Variants in MECOM observed in about 807,000 individuals in gnomAD.
MECOM encodes the protein histone-lysine N-methyltransferase MECOM.
In MECOM, 13 loss-of-function variants were observed where a neutral mutation model predicts 116.3. That is an observed-to-expected ratio of 0.11 (90% CI 0.07 to 0.18). MECOM has a LOEUF of 0.18. MECOM is among the 10% of genes least tolerant of loss of function. The probability of loss-of-function intolerance (pLI) is 1.00; values close to 1 mark genes in which losing one functional copy is unlikely to be tolerated. For synonymous variants in MECOM, 528 were observed against 535.2 expected, an observed-to-expected ratio of 0.99 and a Z score of 0.19; for missense variants, 1,299 against 1,509.0, an observed-to-expected ratio of 0.86 and a Z score of 2.31.
chr3:169,183,361 C>T (rs1033719413), intron 2 of MECOM, among the ~76,000 whole-genome samples: 6 of 152,144 alleles, frequency 3.9e-5, no homozygotes, highest in Non-Finnish European at 5.9e-5. Context: ...ATTAATTCAG[C>T]AATGAATCTG....
intron 2 of MECOM, among the ~76,000 whole-genome samples, chr3:169,209,421 C>A (rs1392911710): frequency 6.6e-6 from 1 of 152,044 alleles, no homozygotes; most frequent in South Asian, 2.1e-4. Flanking sequence ...AACAGGCAAC[C>A]TACAGAATGG....
Position 169,306,164 on chromosome 3 carries a change from A to G in MECOM, c.375+75023T>C, listed in dbSNP as rs147719694. The stretch of plus-strand genomic sequence containing the variant: ...AAGTAAAGCATTATCGAGGTAATAA[A>G]AAATTCATGATTATCTTCCTTTGTA... On this transcript the variant is annotated intron_variant, in intron 2 of 16. Coordinates refer to ENST00000651503, the MANE Select transcript of MECOM (RefSeq NM_004991.4). Among the ~76,000 whole-genome samples, 1,298 of 152,286 alleles carry G rather than the reference A, an allele frequency of 8.5e-3. 12 individuals are homozygous for G. The highest frequency in any genetic ancestry group is 0.027 in the Middle Eastern group (8 of 294).
In MECOM at chr3:169,573,677, C is replaced by A. The variant is rs188987455; in HGVS notation, c.37+89659G>T. ...AAATCAAGCGGCATAATTTGGTTTA[C>A]CTTTTTTTTAACTTTCAAGAAGAAA... On this transcript the variant is annotated intron_variant, in intron 1 of 16. Coordinates refer to ENST00000651503, the MANE Select transcript of MECOM (RefSeq NM_004991.4). 3.2e-4 allele frequency among the ~76,000 whole-genome samples: 48 copies of A among 152,238 alleles called. 1 individual carries two copies. Among genetic ancestry groups the A allele is most frequent in the Admixed American group, 2.9e-3 (45 of 15,282 alleles).
chr3:169,225,918 C>T (rs1752675731), intron 2 of MECOM, among the ~76,000 whole-genome samples: 1 of 152,168 alleles, frequency 6.6e-6, no homozygotes, highest in Non-Finnish European at 1.5e-5. Flanking sequence ...AAGACCCTTG[C>T]TTTAAGGGCC....
intron 2 of MECOM, among the ~76,000 whole-genome samples, chr3:169,345,346 G>GA (rs942310034): frequency 2.6e-5 from 4 of 151,044 alleles, no homozygotes; most frequent in Admixed American, 6.6e-5. Flanking sequence ...GGGATAGGAA[G>GA]AAAAAAAAAG....
chr3:169,561,118 T>C (rs1253859384), intron 1 of MECOM, among the ~76,000 whole-genome samples: 1 of 151,844 alleles, frequency 6.6e-6, no homozygotes. Context: ...TAATAAAATA[T>C]AATTCCATGT....
chr3:169,322,182 T>C (rs17679760), intron 2 of MECOM, among the ~76,000 whole-genome samples: 13,773 of 152,258 alleles, frequency 0.09, 879 homozygotes, highest in African/African-American at 0.17. Context: ...CTCGTGTGTG[T>C]TTCCTCTTAG....
chr3:169,517,982 G>A (rs978880319), intron 1 of MECOM, among the ~76,000 whole-genome samples: 6 of 152,272 alleles, frequency 3.9e-5, no homozygotes, highest in East Asian at 1.9e-4. Flanking sequence ...TGACAGGGCC[G>A]GGCGCTATGG....
At chr3:169,190,991 G>T (rs1032317973) in intron 2 of MECOM, among the ~76,000 whole-genome samples, 4 of 151,916 alleles carry the variant, frequency 2.6e-5, no homozygotes, top group African/African-American at 9.7e-5. Flanking sequence ...CCCATAGAAA[G>T]GCTGGCATTT....
intron 1 of MECOM, among the ~76,000 whole-genome samples, chr3:169,467,798 C>G (rs576393435): frequency 6.6e-6 from 1 of 152,148 alleles, no homozygotes; most frequent in Non-Finnish European, 1.5e-5. Context: ...CCGGCTACAA[C>G]AAGACCTGGG....
intron 2 of MECOM, among the ~76,000 whole-genome samples, chr3:169,306,322 T>G (rs939387020): frequency 6.6e-6 from 1 of 152,196 alleles, no homozygotes; most frequent in Non-Finnish European, 1.5e-5. Flanking sequence ...GACATATTCA[T>G]CCCATTCAGC....
intron 12 of MECOM, among the ~76,000 whole-genome samples, chr3:169,096,598 A>G (rs144683415): frequency 2.3e-3 from 346 of 152,212 alleles, no homozygotes; most frequent in African/African-American, 7.8e-3. Flanking sequence ...GAAAACTTCA[A>G]TCTTAGAGGA....
At chr3:169,207,739 C>A (rs887173972) in intron 2 of MECOM, among the ~76,000 whole-genome samples, 2 of 152,070 alleles carry the variant, frequency 1.3e-5, no homozygotes, top group Non-Finnish European at 2.9e-5. Flanking sequence ...ACAAATGATA[C>A]AAAAATTTTA....
chr3:169,324,312 C>T (rs979286207), intron 2 of MECOM, among the ~76,000 whole-genome samples: 2 of 152,174 alleles, frequency 1.3e-5, no homozygotes, highest in African/African-American at 2.4e-5. Flanking sequence ...CAGAAACCAA[C>T]GCCTAGAAGT....
chr3:169,475,803 G>T (rs1451987265), intron 1 of MECOM, among the ~76,000 whole-genome samples: 1 of 152,068 alleles, frequency 6.6e-6, no homozygotes, highest in Non-Finnish European at 1.5e-5. Context: ...TAACAAAAAC[G>T]ACAAAGGTAT....
chr3:169,151,374 T>A (rs1741145397), intron 2 of MECOM, among the ~76,000 whole-genome samples: 1 of 152,248 alleles, frequency 6.6e-6, no homozygotes. Context: ...CCTGACATTA[T>A]GTTTTTAGTT....
intron 1 of MECOM, among the ~76,000 whole-genome samples, chr3:169,641,931 A>C (rs938980487): frequency 6.6e-6 from 1 of 152,230 alleles, no homozygotes; most frequent in Admixed American, 6.5e-5. Context: ...AGATTATTTC[A>C]AGGAGAAATG....
chr3:169,177,877 C>T (rs1168761488), intron 2 of MECOM, among the ~76,000 whole-genome samples: 1 of 151,502 alleles, frequency 6.6e-6, no homozygotes, highest in Non-Finnish European at 1.5e-5. Flanking sequence ...GAGATCCCAG[C>T]CACTGCACTC....
chr3:169,160,109 CTTTAA>C (rs1742628016), intron 2 of MECOM, among the ~76,000 whole-genome samples: 2 of 152,118 alleles, frequency 1.3e-5, no homozygotes, highest in East Asian at 3.9e-4. Context: ...TATTTTGTCC[CTTTAA>C]TTTATTTTCT....
Sources: gnomAD v4.1 joint callset for allele counts (sites outside exome capture counted in the v4.1 genomes callset) on GRCh38, gnomAD v4.1.1 for gene constraint, MANE v1.5 for transcripts, NCBI Gene and HGNC (gene_info 2026-07-23, HGNC 2026-07-21) for gene names.